ADD3: variants seen among roughly 807,000 people sequenced by gnomAD.
The protein encoded by ADD3 is gamma-adducin.
Under a neutral mutation model 80.2 loss-of-function variants are expected in ADD3, and 25 were observed. The observed-to-expected ratio is 0.31, with a 90% CI of 0.23 to 0.44. The LOEUF is 0.44. ADD3 is among the 20% of genes least tolerant of loss of function. The pLI is 1.00. For missense variants in ADD3, 829 were observed against 847.5 expected (o/e 0.98, Z 0.27); for synonymous variants, 284 against 289.6 (o/e 0.98, Z 0.20).
intron 2 of ADD3, among the ~76,000 whole-genome samples, chr10:110,108,774 A>G (rs1849665602): frequency 6.6e-6 from 1 of 152,202 alleles, no homozygotes; most frequent in South Asian, 2.1e-4. Context: ...ATAAATGTTC[A>G]TGACAAAATA....
Position 110,125,957 on chromosome 10 carries a change from T to C in ADD3, c.1521+12T>C, listed in dbSNP as rs894539631. ...AAAAGAGAAATAAGGTAAGACATGG[T>C]CTTCTATAGCCAGGGGAGACATTTT... On this transcript the variant is annotated intron_variant, in intron 11 of 14. Transcript: ENST00000356080. The C allele has an allele frequency of 1.9e-6, 3 of 1,589,898 alleles. No individual in the cohort carries two copies. The African/African-American group carries it at 4.3e-5, about 23-fold the overall frequency.
chr10:110,129,336 G>T (rs1181751522), intron 12 of ADD3, among the ~76,000 whole-genome samples: 1 of 151,770 alleles, frequency 6.6e-6, no homozygotes, highest in Non-Finnish European at 1.5e-5. Context: ...TTTAGTAGAG[G>T]CAGGGTTTCT....
At chr10:110,063,937 A>G (rs1168064344) in intron 1 of ADD3, among the ~76,000 whole-genome samples, 6 of 151,404 alleles carry the variant, frequency 4.0e-5, no homozygotes, top group Admixed American at 3.9e-4. Context: ...TTCAAAGTTT[A>G]GTTTTGAATA....
intron 1 of ADD3, among the ~76,000 whole-genome samples, chr10:110,014,955 C>T (rs2133008760): frequency 6.6e-6 from 1 of 151,416 alleles, no homozygotes; most frequent in Non-Finnish European, 1.5e-5. Context: ...CTCAATGCAA[C>T]CTCCGACTCC....
At chr10:110,079,887 GA>G (rs1363921962) in intron 1 of ADD3, among the ~76,000 whole-genome samples, 1 of 152,088 alleles carries the variant, frequency 6.6e-6, no homozygotes, top group Non-Finnish European at 1.5e-5. Context: ...TGTGTGGATG[GA>G]TGTACTGTAA....
intron 1 of ADD3, among the ~76,000 whole-genome samples, chr10:110,090,216 CTTTTTTTTTT>C (rs144120692): frequency 5.3e-5 from 6 of 113,930 alleles, no homozygotes; most frequent in Admixed American, 9.0e-5. Context: ...ACCTACTTGA[CTTTTTTTTTT>C]TTTTTTTTTG....
At chr10:110,092,311 C>T (rs1847628312) in intron 1 of ADD3, among the ~76,000 whole-genome samples, 1 of 152,142 alleles carries the variant, frequency 6.6e-6, no homozygotes, top group African/African-American at 2.4e-5. Context: ...GACATGGAAT[C>T]AATCACCTAG....
At chr10:110,120,473 A>G (rs1256910070) in intron 8 of ADD3, among the ~76,000 whole-genome samples, 1 of 151,938 alleles carries the variant, frequency 6.6e-6, no homozygotes, top group African/African-American at 2.4e-5. Flanking sequence ...CCAGTCTATC[A>G]TTGTTGGACA....
upstream of ADD3, among the ~76,000 whole-genome samples, chr10:110,007,443 G>C (rs1851733639): frequency 6.6e-6 from 1 of 152,234 alleles, no homozygotes; most frequent in South Asian, 2.1e-4. Context: ...GGGCGGCCGA[G>C]GCTGACTCAA....
chr10:110,093,760 T>G (rs185479586), intron 1 of ADD3, among the ~76,000 whole-genome samples: 1 of 152,222 alleles, frequency 6.6e-6, no homozygotes, highest in Non-Finnish European at 1.5e-5. Context: ...TTTGTCTTTA[T>G]GCATCTTATT....
intron 2 of ADD3, among the ~76,000 whole-genome samples, chr10:110,111,398 G>A (rs562351578): frequency 3.4e-4 from 51 of 152,184 alleles, no homozygotes; most frequent in Non-Finnish European, 5.3e-4. Flanking sequence ...TGGGTGTGAT[G>A]GAAAGTCAGA....
At chr10:110,058,297 G>A (rs1313744087) in intron 1 of ADD3, among the ~76,000 whole-genome samples, 8 of 152,022 alleles carry the variant, frequency 5.3e-5, no homozygotes, top group East Asian at 1.9e-4. Context: ...CCACTTTAAC[G>A]TGAACTAAGA....
intron 1 of ADD3, among the ~76,000 whole-genome samples, chr10:110,057,774 C>G (rs1047968846): frequency 1.3e-5 from 2 of 151,956 alleles, no homozygotes; most frequent in Non-Finnish European, 2.9e-5. Context: ...TTTTTTGTTG[C>G]AATGAAAGAA....
intron 3 of ADD3, among the ~76,000 whole-genome samples, chr10:110,115,831 C>T (rs1017587726): frequency 6.6e-5 from 10 of 152,180 alleles, no homozygotes; most frequent in African/African-American, 2.2e-4. Flanking sequence ...TATTTGCATG[C>T]ATTATTTTCC....
At chr10:110,045,171 T>C (rs2133337138) in intron 1 of ADD3, among the ~76,000 whole-genome samples, 1 of 152,254 alleles carries the variant, frequency 6.6e-6, no homozygotes, top group East Asian at 1.9e-4. Context: ...CTGGCCAACA[T>C]AGTGAAACCC....
chr10:110,105,456 G>A (rs1849301874), intron 2 of ADD3, among the ~76,000 whole-genome samples: 2 of 152,194 alleles, frequency 1.3e-5, no homozygotes, highest in Non-Finnish European at 2.9e-5. Context: ...TGCATGGATG[G>A]ATAGAGAATA....
chr10:110,130,340 G>T, intron 12 of ADD3, 23 bp from the exon 13 acceptor site: 2 of 1,611,292 alleles, frequency 1.2e-6, no homozygotes, highest in South Asian at 1.1e-5. Context: ...GTAATGAATC[G>T]ATTTTTATTT....
At chr10:110,048,893 T>C (rs1857185880) in intron 1 of ADD3, among the ~76,000 whole-genome samples, 1 of 152,206 alleles carries the variant, frequency 6.6e-6, no homozygotes, top group Non-Finnish European at 1.5e-5. Flanking sequence ...CAAATGTTAA[T>C]CGCCAAAACA....
chr10:110,120,681 C>T (rs1017837019), intron 8 of ADD3, among the ~76,000 whole-genome samples: 8 of 152,058 alleles, frequency 5.3e-5, no homozygotes, highest in African/African-American at 1.2e-4. Context: ...CTAGAGAGCC[C>T]GCATCGCCAA....
Sources: gnomAD v4.1 joint callset for allele counts (sites outside exome capture counted in the v4.1 genomes callset) on GRCh38, gnomAD v4.1.1 for gene constraint, MANE v1.5 for transcripts, NCBI Gene and HGNC (gene_info 2026-07-23, HGNC 2026-07-21) for gene names.